Variants in CCDC91 observed in about 807,000 individuals in gnomAD.
CCDC91 encodes the protein coiled-coil domain-containing protein 91.
Under a neutral mutation model 63.2 loss-of-function variants are expected in CCDC91, and 48 were observed. The ratio of observed to expected loss-of-function variants is 0.76; its 90% CI spans 0.60 to 0.97. The LOEUF (loss-of-function observed/expected upper bound fraction) is 0.97. Ranked by LOEUF, CCDC91 falls within the 50% of genes least tolerant of loss-of-function variation. CCDC91 has a pLI of 0.00. For synonymous variants in CCDC91, 167 were observed against 165.8 expected (o/e 1.01, Z -0.06); for missense variants, 500 against 494.6 (o/e 1.01, Z -0.10).
intron 8 of CCDC91, among the ~76,000 whole-genome samples, chr12:28,393,294 C>G (rs991206994): frequency 6.6e-6 from 1 of 151,790 alleles, no homozygotes; most frequent in Non-Finnish European, 1.5e-5. Flanking sequence ...CCTTTGGTAT[C>G]TTGTCCTTTA....
At position 28,549,361 on chromosome 12, in the gene CCDC91, T is replaced by C. The variant is rs571756063; in HGVS notation, c.*188T>C. 6.4e-4 allele frequency: 282 copies of C among 441,698 alleles called. 2 individuals are homozygous for C. In the South Asian group the frequency reaches 0.01, roughly 16 times the overall value. The allele number at this position is 441,698 out of a possible 1,614,324, so 27.4% of individuals were successfully genotyped here. On this transcript the variant is annotated 3_prime_UTR_variant, in exon 13 of 13. Transcript: ENST00000536442. ...TAATTTATTTTCTTTTGGTTTCTTCTTTACATTTACTGTTATTTTATTATT... is the reference window on the plus strand; with the variant it reads ...TAATTTATTTTCTTTTGGTTTCTTCCTTACATTTACTGTTATTTTATTATT...
intron 8 of CCDC91, among the ~76,000 whole-genome samples, chr12:28,423,729 T>A (rs998994940): frequency 2.6e-5 from 4 of 152,166 alleles, no homozygotes; most frequent in Non-Finnish European, 5.9e-5. Flanking sequence ...AACATGTATT[T>A]AATATTTTTT....
chr12:28,293,340 G>A (rs1949360235), intron 3 of CCDC91, among the ~76,000 whole-genome samples: 2 of 152,152 alleles, frequency 1.3e-5, no homozygotes, highest in African/African-American at 4.8e-5. Context: ...AAATAATTGT[G>A]TTTCATTTTG....
chr12:28,242,585 A>AGT (rs1163378007), intron 1 of CCDC91, among the ~76,000 whole-genome samples: 6 of 152,106 alleles, frequency 3.9e-5, no homozygotes, highest in Non-Finnish European at 7.4e-5. Flanking sequence ...GGAGAGAGAG[A>AGT]GAGAGAAAGA....
At chr12:28,241,685 G>T (rs1009498676) in intron 1 of CCDC91, among the ~76,000 whole-genome samples, 1 of 152,068 alleles carries the variant, frequency 6.6e-6, no homozygotes. Context: ...GTTACTAGAA[G>T]AGGAATTTCT....
At chr12:28,456,199 A>T (rs1441070121) in intron 11 of CCDC91, among the ~76,000 whole-genome samples, 3 of 152,108 alleles carry the variant, frequency 2.0e-5, no homozygotes. Flanking sequence ...TGGCACTGTT[A>T]CACGTTTCTG....
chr12:28,334,418 T>C (rs1259747469), intron 6 of CCDC91, among the ~76,000 whole-genome samples: 1 of 152,132 alleles, frequency 6.6e-6, no homozygotes, highest in African/African-American at 2.4e-5. Context: ...AAAAACCTCT[T>C]TTCTCTAAAG....
In CCDC91 at chr12:28,366,166, G is replaced by C. The variant is rs549610890; in HGVS notation, c.654+3651G>C. 4.0e-5 allele frequency among the ~76,000 whole-genome samples: 6 copies of C among 151,886 alleles called. No individual in the cohort carries two copies. The East Asian group carries it at 7.7e-4, about 20-fold the overall frequency. Reference sequence around the variant, plus strand: ...TTAGTACAGATTAAAAAAAAAACTGGATATTTTATATAAAAATATAGTCCC... The same window carrying C: ...TTAGTACAGATTAAAAAAAAAACTGCATATTTTATATAAAAATATAGTCCC... On this transcript the variant is annotated intron_variant, in intron 7 of 12. Transcript: ENST00000536442.
intron 11 of CCDC91, among the ~76,000 whole-genome samples, chr12:28,467,518 C>T (rs1471557096): frequency 3.9e-5 from 6 of 151,960 alleles, no homozygotes; most frequent in Admixed American, 6.6e-5. Context: ...TAGCTGAAGA[C>T]GTCAATAGCT....
At chr12:28,545,302 C>T (rs1000682878) in intron 12 of CCDC91, among the ~76,000 whole-genome samples, 2 of 151,960 alleles carry the variant, frequency 1.3e-5, no homozygotes, top group African/African-American at 2.4e-5. Context: ...AAATTCTTCT[C>T]GCCTCAATAA....
chr12:28,538,924 G>A (rs949341509), intron 12 of CCDC91, among the ~76,000 whole-genome samples: 1 of 152,120 alleles, frequency 6.6e-6, no homozygotes, highest in Non-Finnish European at 1.5e-5. Flanking sequence ...AGCGTCTGTT[G>A]ACATCCTTCG....
chr12:28,287,830 A>G (rs902158999), intron 3 of CCDC91, among the ~76,000 whole-genome samples: 1 of 152,168 alleles, frequency 6.6e-6, no homozygotes, highest in Non-Finnish European at 1.5e-5. Context: ...CTTTCTATCC[A>G]TGAGTGTGGA....
At chr12:28,451,698 T>C (rs1949810296) in intron 10 of CCDC91, among the ~76,000 whole-genome samples, 1 of 151,704 alleles carries the variant, frequency 6.6e-6, no homozygotes, top group African/African-American at 2.4e-5. Context: ...TCATTCAGAT[T>C]GCAAGAAAGG....
chr12:28,343,782 A>G (rs1021342092), intron 6 of CCDC91, among the ~76,000 whole-genome samples: 1 of 152,178 alleles, frequency 6.6e-6, no homozygotes, highest in Admixed American at 6.5e-5. Flanking sequence ...TCTAGAAATA[A>G]TGTATCATCT....
At chr12:28,502,182 C>G (rs1304023705) in intron 12 of CCDC91, among the ~76,000 whole-genome samples, 1 of 151,718 alleles carries the variant, frequency 6.6e-6, no homozygotes, top group African/African-American at 2.4e-5. Context: ...TCTAGAAAAC[C>G]CCATTGTCTC....
At chr12:28,231,176 G>C (rs1299875534) in intron 1 of CCDC91, among the ~76,000 whole-genome samples, 2 of 152,110 alleles carry the variant, frequency 1.3e-5, no homozygotes, top group African/African-American at 4.8e-5. Flanking sequence ...CATGTGGGTT[G>C]TGAGAAATAA....
intron 3 of CCDC91, among the ~76,000 whole-genome samples, chr12:28,265,087 T>A (rs766572257): frequency 4.6e-5 from 7 of 152,078 alleles, no homozygotes; most frequent in Non-Finnish European, 7.4e-5. Context: ...GTTGCCATTG[T>A]GTACAATGTG....
intron 12 of CCDC91, among the ~76,000 whole-genome samples, chr12:28,537,647 A>G (rs1407942385): frequency 2.6e-5 from 4 of 152,220 alleles, no homozygotes; most frequent in Non-Finnish European, 5.9e-5. Flanking sequence ...ACAAAGTCAT[A>G]AAAGGATTCA....
chr12:28,528,049 G>A (rs1941422618), intron 12 of CCDC91, among the ~76,000 whole-genome samples: 1 of 152,156 alleles, frequency 6.6e-6, no homozygotes, highest in Admixed American at 6.5e-5. Flanking sequence ...AGTAAGCAGG[G>A]CTTTCCTTCT....
Sources: gnomAD v4.1 joint callset for allele counts (sites outside exome capture counted in the v4.1 genomes callset) on GRCh38, gnomAD v4.1.1 for gene constraint, MANE v1.5 for transcripts, NCBI Gene and HGNC (gene_info 2026-07-23, HGNC 2026-07-21) for gene names.